FCN1: variants seen among roughly 807,000 people sequenced by gnomAD.
FCN1 encodes ficolin-1.
In FCN1, 42 loss-of-function variants were observed where a neutral mutation model predicts 35.6. The ratio of observed to expected loss-of-function variants is 1.18; its 90% CI spans 0.92 to 1.53. The LOEUF (loss-of-function observed/expected upper bound fraction) is 1.53. FCN1 is among the 40% of genes most tolerant of loss of function. The probability of loss-of-function intolerance (pLI) is 0.00; values close to 1 mark genes in which losing one functional copy is unlikely to be tolerated. For missense variants in FCN1, 439 were observed against 428.4 expected (o/e 1.02, Z -0.22); for synonymous variants, 179 against 169.8 (o/e 1.05, Z -0.42).
intron 4 of FCN1, 50 bp from the exon 5 acceptor site, chr9:134,913,663 G>C: frequency 4.7e-6 from 7 of 1,494,600 alleles, no homozygotes; most frequent in Non-Finnish European, 6.4e-6. Flanking sequence ...CAGAGCCTTT[G>C]TCCTGGTCAG....
In FCN1 at chr9:134,917,882, C is replaced by T. The variant is rs752106307; in HGVS notation, c.-11G>A. Reference sequence around the variant, plus strand: ...TCCACTCAGCTCCATGCTCTCTGGCCTTTGACTCTGAAGAGTCCCCCAGCT... The same window carrying T: ...TCCACTCAGCTCCATGCTCTCTGGCTTTTGACTCTGAAGAGTCCCCCAGCT... On this transcript the variant is annotated 5_prime_UTR_variant, in exon 1 of 9. Coordinates refer to ENST00000371806, the MANE Select transcript of FCN1 (RefSeq NM_002003.5). 4 of 1,598,672 alleles carry T rather than the reference C, an allele frequency of 2.5e-6. No individual in the cohort carries two copies. The Admixed American group carries it at 6.7e-5, about 27-fold the overall frequency.
At position 134,907,358 on chromosome 9, in the gene FCN1, C is replaced by T. The variant is rs1588653904; in HGVS notation, c.*2440G>A. The T allele has an allele frequency of 6.6e-6, 1 of 152,308 alleles. No homozygotes were observed. The highest frequency in any genetic ancestry group is 1.9e-4 in the East Asian group (1 of 5,180). The allele number at this position is 152,308 out of a possible 1,614,324, so 9.4% of individuals were successfully genotyped here. A position where few individuals can be genotyped will look rare whatever the true frequency, so the allele number is the denominator to read the frequency against. On this transcript the variant is annotated 3_prime_UTR_variant, in exon 9 of 9. Transcript: ENST00000371806. The stretch of plus-strand genomic sequence containing the variant: ...CACTGGGCATCAGTGGAGGATGTGC[C>T]TGTAGCTCATGTTCCTGGATCCAAG...
At position 134,904,849 on chromosome 9, in the gene FCN1, A is replaced by T. The variant is rs545385522; in HGVS notation, c.*4949T>A. Among the ~76,000 whole-genome samples, 18 of 152,208 alleles carry T rather than the reference A, an allele frequency of 1.2e-4. 1 individual carries two copies. The South Asian group carries it at 1.5e-3, about 12-fold the overall frequency. On this transcript the variant is annotated 3_prime_UTR_variant, in exon 9 of 9. Coordinates refer to ENST00000371806, the MANE Select transcript of FCN1 (RefSeq NM_002003.5). Reference sequence around the variant, plus strand: ...CAGCAAGAAGATGATCTCACACCAAAAATAATAATAATAATAAAATAGAAG... The same window carrying T: ...CAGCAAGAAGATGATCTCACACCAATAATAATAATAATAATAAAATAGAAG...
intron 4 of FCN1, among the ~76,000 whole-genome samples, chr9:134,914,139 T>C (rs999966743): frequency 2.6e-5 from 4 of 152,186 alleles, no homozygotes; most frequent in Non-Finnish European, 4.4e-5. Context: ...GAAATTGAAA[T>C]ATTGAAGTGT....
rs374249625 is a variant in FCN1 at position 134,915,001 on chromosome 9, G to T, written c.218-192C>A. ...ACTGCAGATGGAGGTGAGGGATTGAGGGAGGGGCCTGCACCCCACCTTGGG... is the reference window on the plus strand; with the variant it reads ...ACTGCAGATGGAGGTGAGGGATTGATGGAGGGGCCTGCACCCCACCTTGGG... On this transcript the variant is annotated intron_variant, in intron 2 of 8. Coordinates refer to ENST00000371806, the MANE Select transcript of FCN1 (RefSeq NM_002003.5). 1.9e-3 allele frequency among the ~76,000 whole-genome samples: 295 copies of T among 152,292 alleles called. 6 individuals carry two copies. In the South Asian group the frequency reaches 0.03, roughly 15 times the overall value.
chr9:134,914,633 C>A, intron 3 of FCN1, 123 bp downstream of exon 3: 1 of 928,258 alleles, frequency 1.1e-6, no homozygotes. Flanking sequence ...CTTTCTCTCT[C>A]TGTTGCCGTG....
rs571367422 is a variant in FCN1 at position 134,909,720 on chromosome 9, T to C, written c.*78A>G. On this transcript the variant is annotated 3_prime_UTR_variant, in exon 9 of 9. Coordinates refer to ENST00000371806, the MANE Select transcript of FCN1 (RefSeq NM_002003.5). ...ATGGGAGTGTGTCTGGCTGGGGAAA[T>C]GGGGTGACTTCCACGACGCAGCGCT... 6.3e-7 allele frequency: 1 copy of C among 1,597,370 alleles called. No individual in the cohort carries two copies. Among genetic ancestry groups the C allele is most frequent in the African/African-American group, 1.3e-5 (1 of 74,812 alleles).
Position 134,913,567 on chromosome 9 carries a change from G to A in FCN1, c.340+14C>T, listed in dbSNP as rs1382863440. 7 of 1,604,022 alleles carry A rather than the reference G, an allele frequency of 4.4e-6. No homozygotes were observed. The African/African-American group carries it at 8.0e-5, about 18-fold the overall frequency. On this transcript the variant is annotated intron_variant, in intron 5 of 8. Coordinates refer to ENST00000371806, the MANE Select transcript of FCN1 (RefSeq NM_002003.5). ...GCAAGGCTTGGGTACCGAGGTCAGG[G>A]TGTGATCAGTCACCTGTCGCACACG... is the stretch of plus-strand genomic sequence containing the variant.
Position 134,903,651 on chromosome 9 carries a change from A to T in FCN1, c.*6147T>A, listed in dbSNP as rs1830910284. Among the ~76,000 whole-genome samples, 1 of 152,206 alleles carries T rather than the reference A, an allele frequency of 6.6e-6. No individual in the cohort carries two copies. Among genetic ancestry groups the T allele is most frequent in the Non-Finnish European group, 1.5e-5 (1 of 68,034 alleles). On this transcript the variant is annotated 3_prime_UTR_variant, in exon 9 of 9. Coordinates refer to ENST00000371806, the MANE Select transcript of FCN1 (RefSeq NM_002003.5). ...TGCCTTCCTGAATACTATGTCTAGC[A>T]TTCAATCAAAACCCTCCAAGTGTGC...
chr9:134,915,094 C>T (rs562925824), intron 2 of FCN1, among the ~76,000 whole-genome samples: 56 of 152,316 alleles, frequency 3.7e-4, no homozygotes, highest in Non-Finnish European at 6.0e-4. Flanking sequence ...ACTCTGTTGA[C>T]CATAAGCCTG....
At position 134,911,242 on chromosome 9, in the gene FCN1, C is replaced by A; in HGVS notation, c.624G>T (p.Leu208=). ...ACTGGTGGTTGCCCTCAAAGTCCAC[C>A]AGGTCTACACGGAGCTCGCTGCTTC... The part of the protein sequence containing the change: ...AQGSSELRVD[L]VDFEGNHQFA... Residue 208 remains leucine, a synonymous_variant, in exon 8 of 9, where the codon CTG becomes CTT. Transcript: ENST00000371806. 6.2e-7 allele frequency: 1 copy of A among 1,610,380 alleles called. No homozygotes were observed. The highest frequency in any genetic ancestry group is 8.5e-7 in the Non-Finnish European group (1 of 1,178,500).
At chr9:134,912,018 G>A (rs548891384) in intron 7 of FCN1, among the ~76,000 whole-genome samples, 1 of 150,570 alleles carries the variant, frequency 6.6e-6, no homozygotes, top group African/African-American at 2.4e-5. Flanking sequence ...GACTGCCTCA[G>A]GACCAGCTGT....
In FCN1 at chr9:134,913,096, C is replaced by T. The variant is rs143987379; in HGVS notation, c.388G>A (p.Gly130Ser). The T allele has an allele frequency of 1.1e-5, 17 of 1,613,834 alleles. No homozygotes were observed. The highest frequency in any genetic ancestry group is 1.6e-4 in the Middle Eastern group (1 of 6,084). ...DLLDRGYFLS[G>S]WHTIYLPDCR... Reference sequence around the variant, plus strand: ...TCGGGCAGGTAGATGGTGTGCCAGCCGCTCAGGAAATACCCCCGGTCTAGC... The same window carrying T: ...TCGGGCAGGTAGATGGTGTGCCAGCTGCTCAGGAAATACCCCCGGTCTAGC... The change falls in exon 6 of 9, where the codon GGC (glycine) becomes AGC (serine). Residue 130 changes from glycine to serine, a missense_variant. Coordinates refer to ENST00000371806, the MANE Select transcript of FCN1 (RefSeq NM_002003.5).
chr9:134,910,694 G>A (rs1190554087), intron 8 of FCN1, among the ~76,000 whole-genome samples: 2 of 152,188 alleles, frequency 1.3e-5, no homozygotes, highest in Non-Finnish European at 2.9e-5. Context: ...AATTCTCAGT[G>A]CCTTTCACGA....
intron 7 of FCN1, 107 bp from the exon 8 acceptor site, chr9:134,911,374 C>T (rs1231746204): frequency 3.1e-5 from 30 of 961,678 alleles, no homozygotes; most frequent in African/African-American, 8.4e-5. Context: ...GACAGAGTTC[C>T]GCTCTTGTTG....
rs1830940589 is a variant in FCN1, at chr9:134,905,822, T to TTCTTCTTCTTCTTCTTCTTCTTCC, written c.*3975_*3976insGGAAGAAGAAGAAGAAGAAGAAGA. The TTCTTCTTCTTCTTCTTCTTCTTCC allele has an allele frequency of 2.6e-5, 1 of 37,980 alleles. No homozygotes were observed. The highest frequency in any genetic ancestry group is 2.6e-4 in the African/African-American group (1 of 3,788). The allele number at this position is 37,980 out of a possible 1,614,324, so 2.4% of individuals were successfully genotyped here. ...CTTCTTCTTCTTCCTCTTCTTCTTC[T>TTCTTCTTCTTCTTCTTCTTCTTCC]TCTTCCTCTTCCTCTTCCTCTTCCT... On this transcript the variant is annotated 3_prime_UTR_variant, in exon 9 of 9. Coordinates refer to ENST00000371806, the MANE Select transcript of FCN1 (RefSeq NM_002003.5).
Position 134,908,693 on chromosome 9 carries a change from C to T in FCN1, c.*1105G>A. 6.5e-6 allele frequency: 1 copy of T among 154,418 alleles called. No homozygotes were observed. The highest frequency in any genetic ancestry group is 1.4e-5 in the Non-Finnish European group (1 of 69,664). 9.6% of individuals were successfully genotyped at this position (154,418 alleles called of 1,614,324 possible). Reference sequence around the variant, plus strand: ...CAGTGACCCCTGGGGCTGGAAAAGGCAAGGAAGCAGGTTCTCCCCTAGAAC... The same window carrying T: ...CAGTGACCCCTGGGGCTGGAAAAGGTAAGGAAGCAGGTTCTCCCCTAGAAC... On this transcript the variant is annotated 3_prime_UTR_variant, in exon 9 of 9. Coordinates refer to ENST00000371806, the MANE Select transcript of FCN1 (RefSeq NM_002003.5).
chr9:134,914,235 A>C, intron 4 of FCN1, 150 bp downstream of exon 4: 1 of 757,932 alleles, frequency 1.3e-6, no homozygotes, highest in Non-Finnish European at 2.3e-6. Context: ...GGATTCTGAC[A>C]ACAAAGCCCG....
rs1321678581 is a variant in FCN1, at chr9:134,907,300, A to G, written c.*2498T>C. 1 of 152,218 alleles carries G rather than the reference A, an allele frequency of 6.6e-6. No homozygotes were observed. Among genetic ancestry groups the G allele is most frequent in the African/African-American group, 2.4e-5 (1 of 41,448 alleles). 9.4% of individuals were successfully genotyped at this position (152,218 alleles called of 1,614,324 possible). On this transcript the variant is annotated 3_prime_UTR_variant, in exon 9 of 9. Transcript: ENST00000371806. ...GTCTGGTCAGCCCCCAATGGGCTAC[A>G]AGGACCTCTCCTTACAGGTATTGAG... is the stretch of plus-strand genomic sequence containing the variant.
Sources: allele counts gnomAD v4.1 joint callset (sites outside exome capture counted in the v4.1 genomes callset), GRCh38; gene constraint gnomAD v4.1.1; transcripts MANE v1.5; gene names NCBI Gene and HGNC (gene_info 2026-07-23, HGNC 2026-07-21).